RSPO3: variants seen among roughly 807,000 people sequenced by gnomAD.
RSPO3 encodes the protein R-spondin-3.
A neutral mutation model predicts 36.5 loss-of-function variants in RSPO3; 17 were observed. That is an observed-to-expected ratio of 0.47 (90% confidence interval 0.32 to 0.70). The LOEUF (loss-of-function observed/expected upper bound fraction) is 0.70, where lower values mean the gene tolerates loss of function less well. Ranked by LOEUF, RSPO3 falls within the 30% of genes least tolerant of loss-of-function variation. The pLI, the probability that RSPO3 is intolerant of heterozygous loss-of-function variation, is 0.04. For synonymous variants in RSPO3, 108 were observed against 107.0 expected (o/e 1.01, Z -0.06); for missense variants, 294 against 322.5 (o/e 0.91, Z 0.68).
intron 4 of RSPO3, among the ~76,000 whole-genome samples, chr6:127,191,157 GA>G: frequency 6.6e-6 from 1 of 152,118 alleles, no homozygotes; most frequent in East Asian, 1.9e-4. Flanking sequence ...TATCTATTAA[GA>G]AAACTTGCCT....
Position 127,155,423 on chromosome 6 carries a change from C to G in RSPO3, c.619C>G (p.Gln207Glu). 6.2e-7 allele frequency: 1 copy of G among 1,613,388 alleles called. No homozygotes were observed. The highest frequency in any genetic ancestry group is 8.5e-7 in the Non-Finnish European group (1 of 1,179,644). Residue 207 changes from glutamine (Q) to glutamate (E), a missense_variant, in exon 4 of 5, where the codon CAG becomes GAG. By Grantham distance (29) the Gln-to-Glu change is conservative. This residue lies in a region of RSPO3 where 190 missense variants were observed against 185.2 expected (regional missense o/e 1.03). Coordinates refer to ENST00000356698, the MANE Select transcript of RSPO3 (RefSeq NM_032784.5). The stretch of plus-strand genomic sequence containing the variant: ...GTGTACAGTGCAAAGGAAGAAGTGT[C>G]AGAAGGGAGAACGAGGTACAATCAT... ...RKCTVQRKKC[Q>E]KGERGKKGRE...
chr6:127,128,333 C>T (rs532892724), intron 1 of RSPO3, among the ~76,000 whole-genome samples: 1 of 152,104 alleles, frequency 6.6e-6, no homozygotes, highest in African/African-American at 2.4e-5. Flanking sequence ...ATTAGAATTT[C>T]CTGGGGATCT....
At chr6:127,144,493 C>T (rs1338880410) in intron 1 of RSPO3, among the ~76,000 whole-genome samples, 2 of 152,020 alleles carry the variant, frequency 1.3e-5, no homozygotes, top group African/African-American at 2.4e-5. Context: ...GTTAATTTAG[C>T]TTTTGAATAT....
At chr6:127,155,751 C>T (rs1774582622) in intron 4 of RSPO3, among the ~76,000 whole-genome samples, 1 of 151,956 alleles carries the variant, frequency 6.6e-6, no homozygotes. Flanking sequence ...TGGGAAGTCT[C>T]ATAATTACAA....
At chr6:127,149,311 C>T (rs1036243627) in intron 2 of RSPO3, among the ~76,000 whole-genome samples, 2 of 152,064 alleles carry the variant, frequency 1.3e-5, no homozygotes, top group African/African-American at 4.8e-5. Flanking sequence ...ACCCAGGGAC[C>T]TTTCTCAAAA....
At chr6:127,139,612 TA>T (rs1372090587) in intron 1 of RSPO3, among the ~76,000 whole-genome samples, 11 of 150,982 alleles carry the variant, frequency 7.3e-5, no homozygotes, top group South Asian at 4.2e-4. Context: ...TTTCTAACCT[TA>T]AAAAAAAATG....
Position 127,199,317 on chromosome 6 carries a change from A to C in RSPO3, c.*3310A>C, listed in dbSNP as rs1469272705. Among the ~76,000 whole-genome samples, 1 of 152,222 alleles carries C rather than the reference A, an allele frequency of 6.6e-6. No homozygotes were observed. The highest frequency in any genetic ancestry group is 1.5e-5 in the Non-Finnish European group (1 of 68,048). ...TGTATATAAATGAATATCAATTAAA[A>C]GTTATGACTAATTCCACAAGTCAAA... On this transcript the variant is annotated 3_prime_UTR_variant, in exon 5 of 5. Transcript: ENST00000356698.
chr6:127,197,328 GC>G lies in RSPO3; in HGVS notation c.*1322del. 2.0e-6 allele frequency: 3 copies of G among 1,468,608 alleles called. No homozygotes were observed. The highest frequency in any genetic ancestry group is 2.7e-6 in the Non-Finnish European group (3 of 1,091,932). 91.0% of individuals were successfully genotyped at this position (1,468,608 alleles called of 1,614,324 possible). ...CTGATTTCACTGCTCCCCCTTCATT[GC>G]TTAGAAATGGGCATCATTTCTTGTA... is the stretch of plus-strand genomic sequence containing the variant. On this transcript the variant is annotated 3_prime_UTR_variant, in exon 5 of 5. Coordinates refer to ENST00000356698, the MANE Select transcript of RSPO3 (RefSeq NM_032784.5).
chr6:127,121,520 C>A (rs1272493176), intron 1 of RSPO3, among the ~76,000 whole-genome samples: 1 of 152,176 alleles, frequency 6.6e-6, no homozygotes, highest in Non-Finnish European at 1.5e-5. Context: ...CTTGCTCCTT[C>A]GCACTTGAGT....
chr6:127,162,243 C>G (rs1380206357), intron 4 of RSPO3, among the ~76,000 whole-genome samples: 1 of 152,164 alleles, frequency 6.6e-6, no homozygotes, highest in East Asian at 1.9e-4. Context: ...GATTTTATCT[C>G]TTGGCAGGAG....
Position 127,159,535 on chromosome 6 carries a change from T to C in RSPO3, c.634+4097T>C, listed in dbSNP as rs143034913. ...GGGAAGAAACAAATGTGGGAATCAT[T>C]GTATTACTGTACTATTTGAGTATAC... On this transcript the variant is annotated intron_variant, in intron 4 of 4. Transcript: ENST00000356698. 3.3e-3 allele frequency among the ~76,000 whole-genome samples: 499 copies of C among 152,204 alleles called. 3 individuals are homozygous for C. Among genetic ancestry groups the C allele is most frequent in the African/African-American group, 0.011 (476 of 41,552 alleles).
Position 127,118,886 on chromosome 6 carries a change from C to A in RSPO3, c.-307C>A. ...CCCGGATCCCGCCTGCGGCAGTTGC[C>A]GCACAACATGCTACCTGCGGCCGCC... On this transcript the variant is annotated 5_prime_UTR_variant, in exon 1 of 5. Coordinates refer to ENST00000356698, the MANE Select transcript of RSPO3 (RefSeq NM_032784.5). The A allele has an allele frequency of 5.1e-6, 1 of 197,994 alleles. No individual in the cohort carries two copies. The highest frequency in any genetic ancestry group is 1.0e-5 in the Non-Finnish European group (1 of 98,806). 12.3% of individuals were successfully genotyped at this position (197,994 alleles called of 1,614,324 possible).
intron 4 of RSPO3, among the ~76,000 whole-genome samples, chr6:127,166,145 C>A (rs992925845): frequency 1.6e-4 from 24 of 151,782 alleles, no homozygotes; most frequent in Admixed American, 2.6e-4. Flanking sequence ...AATTGTGCAC[C>A]TTAGTAGCTC....
chr6:127,164,505 A>C (rs765064254), intron 4 of RSPO3, among the ~76,000 whole-genome samples: 1 of 151,802 alleles, frequency 6.6e-6, no homozygotes, highest in South Asian at 2.1e-4. Flanking sequence ...TATTTTAACT[A>C]TTTTTTTCTA....
intron 4 of RSPO3, among the ~76,000 whole-genome samples, chr6:127,174,405 C>T (rs1188326420): frequency 6.6e-6 from 1 of 151,876 alleles, no homozygotes; most frequent in Non-Finnish European, 1.5e-5. Flanking sequence ...AGTATTTTTA[C>T]AAACACTTCA....
At position 127,197,316 on chromosome 6, in the gene RSPO3, T is replaced by TC; in HGVS notation, c.*1314dup. ...GGGCCTCCCTAGCTGATTTCACTGC[T>TC]CCCCCTTCATTGCTTAGAAATGGGC... On this transcript the variant is annotated 3_prime_UTR_variant, in exon 5 of 5. Coordinates refer to ENST00000356698, the MANE Select transcript of RSPO3 (RefSeq NM_032784.5). 1 of 1,394,822 alleles carries TC rather than the reference T, an allele frequency of 7.2e-7. No homozygotes were observed. The highest frequency in any genetic ancestry group is 9.6e-7 in the Non-Finnish European group (1 of 1,036,412). 86.4% of individuals were successfully genotyped at this position (1,394,822 alleles called of 1,614,324 possible).
At chr6:127,174,727 T>A (rs930893084) in intron 4 of RSPO3, among the ~76,000 whole-genome samples, 1 of 151,864 alleles carries the variant, frequency 6.6e-6, no homozygotes. Flanking sequence ...TGAAAGTAAT[T>A]GTATGGAGTC....
intron 1 of RSPO3, among the ~76,000 whole-genome samples, chr6:127,123,120 A>G (rs1773877054): frequency 6.6e-6 from 1 of 152,156 alleles, no homozygotes; most frequent in Non-Finnish European, 1.5e-5. Context: ...AGACTATTGG[A>G]ATGTACTGGT....
At chr6:127,176,973 C>T (rs1582809912) in intron 4 of RSPO3, among the ~76,000 whole-genome samples, 1 of 151,588 alleles carries the variant, frequency 6.6e-6, no homozygotes, top group East Asian at 2.0e-4. Flanking sequence ...TGTTTTAAAC[C>T]AAGAATAATT....
Sources: allele counts gnomAD v4.1 joint callset (sites outside exome capture counted in the v4.1 genomes callset), GRCh38; gene constraint gnomAD v4.1.1; regional missense constraint gnomAD v4.1.1; transcripts MANE v1.5; gene names NCBI Gene and HGNC (gene_info 2026-07-23, HGNC 2026-07-21).